The following SOX6 variants were observed in gnomAD, a reference collection of about 807,000 sequenced individuals.
SOX6 encodes transcription factor SOX-6.
A neutral mutation model predicts 97.8 loss-of-function variants in SOX6; 11 were observed. The ratio of observed to expected loss-of-function variants is 0.11; its 90% CI spans 0.07 to 0.19. SOX6 has a LOEUF of 0.19. SOX6 is among the 10% of genes least tolerant of loss of function. SOX6 has a pLI of 1.00. For missense variants in SOX6, 810 were observed against 1,039.5 expected, an observed-to-expected ratio of 0.78 and a Z score of 3.04; for synonymous variants, 360 against 371.4, an observed-to-expected ratio of 0.97 and a Z score of 0.35.
intron 9 of SOX6, among the ~76,000 whole-genome samples, chr11:16,066,349 C>A (rs1266347024): frequency 6.6e-6 from 1 of 152,104 alleles, no homozygotes; most frequent in Non-Finnish European, 1.5e-5. Context: ...TTTGGAGGTT[C>A]CTCAAAAAGC....
chr11:16,376,507 T>C (rs895088554), intron 1 of SOX6, among the ~76,000 whole-genome samples: 3 of 152,180 alleles, frequency 2.0e-5, no homozygotes, highest in Admixed American at 1.3e-4. Context: ...TGAAATCCTT[T>C]GCCGACTTCC....
chr11:16,401,280 C>A (rs938047841), intron 1 of SOX6, among the ~76,000 whole-genome samples: 8 of 151,390 alleles, frequency 5.3e-5, no homozygotes, highest in African/African-American at 1.9e-4. Flanking sequence ...AGTACCTTCC[C>A]AGTTCTGCTG....
chr11:16,612,635 A>G (rs1027468104), intron 3 of SOX6, among the ~76,000 whole-genome samples: 1 of 152,094 alleles, frequency 6.6e-6, no homozygotes, highest in Admixed American at 6.6e-5. Context: ...AAAAGCCTGG[A>G]GTATACTACC....
At chr11:16,022,575 TA>T (rs200112615) in intron 12 of SOX6, among the ~76,000 whole-genome samples, 3,237 of 152,104 alleles carry the variant, frequency 0.021, 56 homozygotes, top group Middle Eastern at 0.054. Context: ...TACACCCGGC[TA>T]ACTTTTTTGT....
In SOX6 at chr11:16,613,152, A is replaced by T. The variant is rs1848419867; in HGVS notation, n.430-892T>A. On this transcript the variant is annotated intron_variant and non_coding_transcript_variant, in intron 3 of 5. Transcript: ENST00000524520. This position sits in a 1 kb window ranked among gnomAD's most constrained non-coding sequence, Gnocchi z 4.6. Reference sequence around the variant, plus strand: ...GCAGGAAAGCGCCTACGGGAAAAACAGCTGGGATGCAGACGGGCTATGGAA... The same window carrying T: ...GCAGGAAAGCGCCTACGGGAAAAACTGCTGGGATGCAGACGGGCTATGGAA... 1 of 152,272 alleles carries T rather than the reference A, an allele frequency of 6.6e-6. No individual in the cohort carries two copies. Among genetic ancestry groups the T allele is most frequent in the Admixed American group, 6.5e-5 (1 of 15,286 alleles). The allele number at this position is 152,272 out of a possible 1,614,324, so 9.4% of individuals were successfully genotyped here.
intron 3 of SOX6, among the ~76,000 whole-genome samples, chr11:16,295,122 G>C (rs1441386206): frequency 2.0e-5 from 3 of 151,812 alleles, no homozygotes; most frequent in Non-Finnish European, 2.9e-5. Flanking sequence ...AAAATTATAA[G>C]GTAATCTAAA....
At chr11:16,148,967 A>G (rs1324503260) in intron 6 of SOX6, among the ~76,000 whole-genome samples, 1 of 152,196 alleles carries the variant, frequency 6.6e-6, no homozygotes. Context: ...ATACTATGTA[A>G]GCATACTCAT....
chr11:16,393,166 G>C (rs931088711), intron 1 of SOX6, among the ~76,000 whole-genome samples: 1 of 151,960 alleles, frequency 6.6e-6, no homozygotes, highest in Non-Finnish European at 1.5e-5. Context: ...CAGCACTCTA[G>C]CCATCTCAGG....
rs552841945 is a variant in SOX6 at position 15,997,292 on chromosome 11, C to A, written c.1733-8062G>T. Among the ~76,000 whole-genome samples the A allele has an allele frequency of 4.6e-5, 7 of 152,210 alleles. No individual in the cohort carries two copies. In the East Asian group the frequency reaches 1.4e-3, roughly 29 times the overall value. On this transcript the variant is annotated intron_variant, in intron 13 of 15. Transcript: ENST00000683767. ...CCCCGAATGGTTTCACTGGTAAATT[C>A]TTTCAAACATTTAAGGAAAATAAGA...
intron 15 of SOX6, 57 bp from the exon 16 acceptor site, chr11:15,973,169 T>C (rs1184329167): frequency 1.9e-6 from 3 of 1,549,870 alleles, no homozygotes; most frequent in East Asian, 2.3e-5. Flanking sequence ...ATATGTGCTA[T>C]GTACAGCATT....
chr11:16,471,249 GA>G, intron 1 of SOX6, among the ~76,000 whole-genome samples: 1 of 152,120 alleles, frequency 6.6e-6, no homozygotes, highest in Admixed American at 6.6e-5. Flanking sequence ...AGAAAAAAAG[GA>G]AGTTTTACTT....
At chr11:16,283,049 TA>T (rs1854614152) in intron 3 of SOX6, among the ~76,000 whole-genome samples, 1 of 141,216 alleles carries the variant, frequency 7.1e-6, no homozygotes, top group East Asian at 2.0e-4. Flanking sequence ...ATATGTAAAT[TA>T]TATATAATTT....
chr11:16,166,666 G>C lies in SOX6; in HGVS notation c.777+17220C>G, dbSNP rs1012930286. On this transcript the variant is annotated intron_variant, in intron 6 of 15. Coordinates refer to ENST00000683767, the MANE Select transcript of SOX6 (RefSeq NM_001367873.1). Reference sequence around the variant, plus strand: ...TTAAAAGGCCCAAGGGACTGTGGAAGCTCAGAAGAGAAAGAGATAACCTTG... The same window carrying C: ...TTAAAAGGCCCAAGGGACTGTGGAACCTCAGAAGAGAAAGAGATAACCTTG... Among the ~76,000 whole-genome samples the C allele has an allele frequency of 4.6e-5, 7 of 152,306 alleles. No homozygotes were observed. In the South Asian group the frequency reaches 1.2e-3, roughly 27 times the overall value.
At chr11:16,120,111 C>T (rs1052469384) in intron 6 of SOX6, among the ~76,000 whole-genome samples, 4 of 139,214 alleles carry the variant, frequency 2.9e-5, no homozygotes, top group Non-Finnish European at 4.6e-5. Flanking sequence ...ATTCTCTCTC[C>T]CCCCACCCCT....
rs554276922 is a variant in SOX6 at position 16,653,061 on chromosome 11, T to C, written n.430-40801A>G. ...AGGGAAATACAAATTAAAACCTCAATGAGCTACCACCTTACTCCTGCAAGA... is the reference window on the plus strand; with the variant it reads ...AGGGAAATACAAATTAAAACCTCAACGAGCTACCACCTTACTCCTGCAAGA... On this transcript the variant is annotated intron_variant and non_coding_transcript_variant, in intron 3 of 5. Transcript: ENST00000524520. Among the ~76,000 whole-genome samples the C allele has an allele frequency of 1.2e-4, 19 of 152,302 alleles. No homozygotes were observed. In the South Asian group the frequency reaches 3.5e-3, roughly 28 times the overall value.
At chr11:16,197,898 T>C (rs1157679760) in intron 4 of SOX6, among the ~76,000 whole-genome samples, 1 of 152,214 alleles carries the variant, frequency 6.6e-6, no homozygotes, top group Non-Finnish European at 1.5e-5. Flanking sequence ...AAGCCTCTAC[T>C]TATAAAAATT....
At chr11:16,493,772 A>G (rs1860550374) in intron 4 of SOX6, among the ~76,000 whole-genome samples, 1 of 152,228 alleles carries the variant, frequency 6.6e-6, no homozygotes, top group Non-Finnish European at 1.5e-5. Context: ...TGTATGGTCC[A>G]GAGTATACAG....
chr11:16,051,553 T>C (rs534105295), intron 10 of SOX6, among the ~76,000 whole-genome samples: 1 of 152,278 alleles, frequency 6.6e-6, no homozygotes, highest in African/African-American at 2.4e-5. Flanking sequence ...CATGGTTACA[T>C]CCATTATGAA....
At chr11:16,207,626 T>C (rs1163695104) in intron 4 of SOX6, among the ~76,000 whole-genome samples, 1 of 152,006 alleles carries the variant, frequency 6.6e-6, no homozygotes, top group African/African-American at 2.4e-5. Context: ...ACAAATTCAT[T>C]TATTTAACAA....
Sources: allele counts gnomAD v4.1 joint callset (sites outside exome capture counted in the v4.1 genomes callset), GRCh38; gene constraint gnomAD v4.1.1; non-coding constraint Gnocchi (gnomAD v3.1); transcripts MANE v1.5; gene names NCBI Gene and HGNC (gene_info 2026-07-23, HGNC 2026-07-21).